The following PATJ variants were observed in gnomAD, a reference collection of about 807,000 sequenced individuals.
The protein encoded by PATJ is inaD-like protein.
PATJ carries 190 observed loss-of-function variants against 224.9 expected under a neutral mutation model. The ratio of observed to expected loss-of-function variants is 0.84; its 90% CI spans 0.75 to 0.95. The LOEUF is 0.95. Among genes scored for constraint, PATJ ranks in the 40% least tolerant of loss-of-function variants. PATJ has a pLI of 0.00. For synonymous variants in PATJ, 769 were observed against 820.3 expected, an observed-to-expected ratio of 0.94 and a Z score of 1.07; for missense variants, 2,121 against 2,270.3, an observed-to-expected ratio of 0.93 and a Z score of 1.34.
At chr1:61,812,433 A>AGAGAGTGTGTGTGTGTGTGT (rs1397549346) in intron 14 of PATJ, among the ~76,000 whole-genome samples, 12 of 85,148 alleles carry the variant, frequency 1.4e-4, no homozygotes, top group Non-Finnish European at 1.9e-4. Flanking sequence ...AGAGAGAGAG[A>AGAGAGTGTGTGTGTGTGTGT]GTGTGTGTGT....
Position 62,018,135 on chromosome 1 carries a change from A to G in PATJ, c.3959+188A>G, listed in dbSNP as rs1412526959. Among the ~76,000 whole-genome samples, 1 of 152,148 alleles carries G rather than the reference A, an allele frequency of 6.6e-6. No homozygotes were observed. The highest frequency in any genetic ancestry group is 1.5e-5 in the Non-Finnish European group (1 of 68,002). On this transcript the variant is annotated intron_variant, in intron 29 of 43. Transcript: ENST00000642238. The surrounding 1 kb of genome is among the most constrained non-coding windows in gnomAD (Gnocchi z 4.2). ...GATTATGAGATTGTCTTATTTGCTT[A>G]TGTTTCATGGGATAGAATTGGTAGC...
At chr1:61,886,387 T>C (rs1255478479) in intron 22 of PATJ, among the ~76,000 whole-genome samples, 4 of 152,258 alleles carry the variant, frequency 2.6e-5, no homozygotes, top group Middle Eastern at 3.4e-3. Flanking sequence ...ACAAAGAAGT[T>C]TTCCCGGGGC....
At chr1:62,126,246 G>C (rs1246787030) in intron 39 of PATJ, among the ~76,000 whole-genome samples, 1 of 152,098 alleles carries the variant, frequency 6.6e-6, no homozygotes, top group Non-Finnish European at 1.5e-5. Flanking sequence ...CTATCTGAAT[G>C]TTAGCATTCA....
intron 27 of PATJ, among the ~76,000 whole-genome samples, chr1:61,944,323 CT>C (rs951492167): frequency 4.6e-5 from 7 of 152,174 alleles, no homozygotes; most frequent in African/African-American, 1.4e-4. Flanking sequence ...AGCTAAAATC[CT>C]TGAAAAAAGA....
intron 28 of PATJ, among the ~76,000 whole-genome samples, chr1:62,008,371 G>A (rs1303179375): frequency 2.6e-5 from 4 of 152,178 alleles, no homozygotes; most frequent in African/African-American, 9.7e-5. Flanking sequence ...TCTCATCTTA[G>A]TGATATAGAA....
chr1:62,077,272 A>G (rs1658455146), intron 31 of PATJ, among the ~76,000 whole-genome samples: 1 of 152,312 alleles, frequency 6.6e-6, no homozygotes, highest in South Asian at 2.1e-4. Context: ...ATAATTGGAT[A>G]TCTAAGTCCT....
intron 31 of PATJ, among the ~76,000 whole-genome samples, chr1:62,054,823 G>A (rs868748659): frequency 2.6e-5 from 4 of 152,212 alleles, no homozygotes; most frequent in Non-Finnish European, 4.4e-5. Flanking sequence ...TTGGGATGCC[G>A]AGGCGGGGAG....
intron 14 of PATJ, among the ~76,000 whole-genome samples, chr1:61,817,525 A>T (rs1656367775): frequency 6.6e-6 from 1 of 152,120 alleles, no homozygotes. Flanking sequence ...TTAGCTGGGC[A>T]TGGTGGTGTG....
At chr1:62,031,923 T>C (rs1231786987) in intron 29 of PATJ, among the ~76,000 whole-genome samples, 1 of 152,222 alleles carries the variant, frequency 6.6e-6, no homozygotes, top group Non-Finnish European at 1.5e-5. Context: ...TCAAATGTTA[T>C]GTTTCTAGTT....
chr1:61,804,566 T>G (rs1480539583), intron 12 of PATJ, among the ~76,000 whole-genome samples: 2 of 152,204 alleles, frequency 1.3e-5, no homozygotes, highest in Non-Finnish European at 2.9e-5. Context: ...TTGTTTAATC[T>G]TAAGACAAAA....
intron 21 of PATJ, among the ~76,000 whole-genome samples, chr1:61,877,785 A>T (rs1667534883): frequency 6.6e-6 from 1 of 152,194 alleles, no homozygotes; most frequent in Non-Finnish European, 1.5e-5. Flanking sequence ...GCAGTGTGAG[A>T]GTGGATTAAT....
Position 62,116,569 on chromosome 1 carries a change from G to A in PATJ, c.4693G>A (p.Gly1565Ser). The A allele has an allele frequency of 6.2e-7, 1 of 1,614,088 alleles. No homozygotes were observed. Among genetic ancestry groups the A allele is most frequent in the South Asian group, 1.1e-5 (1 of 91,052 alleles). ...AGTGTTTATTTCTGACATCGTGAAAGGCGGAGCCGCAGACCTGGATGGGAG... is the reference window on the plus strand; with the variant it reads ...AGTGTTTATTTCTGACATCGTGAAAAGCGGAGCCGCAGACCTGGATGGGAG... ...SGVFISDIVK[G>S]GAADLDGRLI... Residue 1565 changes from glycine (G) to serine (S), a missense_variant, in exon 36 of 44, where the codon GGC becomes AGC. Physicochemically the swap from Gly to Ser is moderately conservative, Grantham distance 56 (BLOSUM62 0). Coordinates refer to ENST00000642238, the MANE Select transcript of PATJ (RefSeq NM_001350145.3).
At chr1:62,031,368 A>G (rs1649253605) in intron 29 of PATJ, among the ~76,000 whole-genome samples, 1 of 152,200 alleles carries the variant, frequency 6.6e-6, no homozygotes. Context: ...ATTCACCACT[A>G]TACCTGCCCC....
At chr1:62,062,018 C>T (rs1655557309) in intron 31 of PATJ, among the ~76,000 whole-genome samples, 1 of 152,204 alleles carries the variant, frequency 6.6e-6, no homozygotes, top group South Asian at 2.1e-4. Flanking sequence ...GATATCATGT[C>T]TTTGCTATTG....
intron 29 of PATJ, among the ~76,000 whole-genome samples, chr1:62,023,540 T>C (rs886770284): frequency 6.6e-6 from 1 of 152,154 alleles, no homozygotes; most frequent in African/African-American, 2.4e-5. Context: ...TCCAGTGATA[T>C]AAGTACTGTG....
At chr1:62,110,490 T>C (rs1281752334) in intron 34 of PATJ, among the ~76,000 whole-genome samples, 1 of 152,206 alleles carries the variant, frequency 6.6e-6, no homozygotes, top group Admixed American at 6.5e-5. Context: ...GTTTTAATAC[T>C]ATCCTCATGT....
rs1275974884 is a variant in PATJ, at chr1:62,086,289, T to C, written c.4377+1641T>C. 6.7e-6 allele frequency among the ~76,000 whole-genome samples: 1 copy of C among 150,020 alleles called. No homozygotes were observed. Among genetic ancestry groups the C allele is most frequent in the African/African-American group, 2.5e-5 (1 of 40,380 alleles). On this transcript the variant is annotated intron_variant, in intron 33 of 43. Coordinates refer to ENST00000642238, the MANE Select transcript of PATJ (RefSeq NM_001350145.3). This position sits in a 1 kb window ranked among gnomAD's most constrained non-coding sequence, Gnocchi z 4.0. ...TACCTGCATATTATACAAAGTTAAA[T>C]TGATACAAAAGGAAAATTGTGTGTG...
At chr1:61,872,611 T>C (rs1666794247) in intron 20 of PATJ, among the ~76,000 whole-genome samples, 2 of 152,212 alleles carry the variant, frequency 1.3e-5, no homozygotes, top group Non-Finnish European at 2.9e-5. Flanking sequence ...TCGAAACTCA[T>C]TGTGCAGCCT....
chr1:61,813,483 C>A (rs78301892), intron 14 of PATJ, among the ~76,000 whole-genome samples: 2 of 150,468 alleles, frequency 1.3e-5, no homozygotes, highest in African/African-American at 4.9e-5. Context: ...TCAGAACCAC[C>A]TTATAAAAAC....
Sources: gnomAD v4.1 joint callset for allele counts (sites outside exome capture counted in the v4.1 genomes callset) on GRCh38, gnomAD v4.1.1 for gene constraint, Gnocchi (gnomAD v3.1) non-coding constraint, MANE v1.5 for transcripts, NCBI Gene and HGNC (gene_info 2026-07-23, HGNC 2026-07-21) for gene names.